Variants in SPOCK1 observed in about 807,000 individuals in gnomAD.
SPOCK1 encodes the protein SPARC (osteonectin), cwcv and kazal like domains proteoglycan 1.
A neutral mutation model predicts 55.3 loss-of-function variants in SPOCK1; 23 were observed. That is an observed-to-expected ratio of 0.42 (90% CI 0.30 to 0.59). The LOEUF (loss-of-function observed/expected upper bound fraction) is 0.59. Ranked by LOEUF, SPOCK1 falls within the 20% of genes least tolerant of loss-of-function variation. The probability of loss-of-function intolerance (pLI) is 0.22; values close to 1 mark genes in which losing one functional copy is unlikely to be tolerated. For missense variants in SPOCK1, 499 were observed against 552.5 expected, an observed-to-expected ratio of 0.90 and a Z score of 0.97; for synonymous variants, 226 against 221.0, an observed-to-expected ratio of 1.02 and a Z score of -0.20.
At chr5:137,309,857 A>G (rs1273154702) in intron 2 of SPOCK1, among the ~76,000 whole-genome samples, 1 of 151,978 alleles carries the variant, frequency 6.6e-6, no homozygotes, top group East Asian at 1.9e-4. Context: ...AGTACCCCCC[A>G]TTCAATTTAT....
chr5:137,305,459 A>C (rs1360980369), intron 2 of SPOCK1, among the ~76,000 whole-genome samples: 1 of 152,210 alleles, frequency 6.6e-6, no homozygotes, highest in African/African-American at 2.4e-5. Flanking sequence ...CCAGAGGTTA[A>C]GACTTATTCA....
intron 2 of SPOCK1, among the ~76,000 whole-genome samples, chr5:137,391,383 G>A (rs911584107): frequency 2.0e-5 from 3 of 152,064 alleles, no homozygotes; most frequent in African/African-American, 4.8e-5. Context: ...AATATTGAGG[G>A]AGGGAGTGGC....
At chr5:137,258,178 G>A (rs975022683) in intron 3 of SPOCK1, among the ~76,000 whole-genome samples, 14 of 152,178 alleles carry the variant, frequency 9.2e-5, no homozygotes, top group Admixed American at 9.2e-4. Context: ...TAATTTCTAT[G>A]TTACAGATAA....
rs1750594965 is a variant in SPOCK1 at position 136,975,435 on chromosome 5, G to C, written c.*3219C>G. The C allele has an allele frequency of 1.3e-5, 2 of 152,586 alleles. No homozygotes were observed. 9.5% of individuals were successfully genotyped at this position (152,586 alleles called of 1,614,324 possible). ...TGGAAAAGCATTCAGAATTTACTAGGTTTTTGCTACATCACTATTTCATCT... is the reference window on the plus strand; with the variant it reads ...TGGAAAAGCATTCAGAATTTACTAGCTTTTTGCTACATCACTATTTCATCT... On this transcript the variant is annotated 3_prime_UTR_variant, in exon 11 of 11. Transcript: ENST00000394945.
In SPOCK1 at chr5:137,498,570, G is replaced by C. The variant is rs990747469; in HGVS notation, c.1-12C>G. 7 of 1,458,800 alleles carry C rather than the reference G, an allele frequency of 4.8e-6. No individual in the cohort carries two copies. Among genetic ancestry groups the C allele is most frequent in the Non-Finnish European group, 6.3e-6 (7 of 1,114,198 alleles). The allele number at this position is 1,458,800 out of a possible 1,614,324, so 90.4% of individuals were successfully genotyped here. Reference sequence around the variant, plus strand: ...GCGATCGCCGGCATCTGCGGGGCAGGGCGCGCAGGGCGATGAGCGAAGAGG... The same window carrying C: ...GCGATCGCCGGCATCTGCGGGGCAGCGCGCGCAGGGCGATGAGCGAAGAGG... On this transcript the variant is annotated splice_polypyrimidine_tract_variant and intron_variant, in intron 1 of 10. Coordinates refer to ENST00000394945, the MANE Select transcript of SPOCK1 (RefSeq NM_004598.4).
intron 2 of SPOCK1, among the ~76,000 whole-genome samples, chr5:137,328,702 C>T (rs1043870763): frequency 2.6e-5 from 4 of 152,170 alleles, no homozygotes; most frequent in African/African-American, 9.7e-5. Flanking sequence ...TTCTCATTCG[C>T]ACTTTCCTGC....
chr5:137,144,830 G>A (rs902945214), intron 3 of SPOCK1, among the ~76,000 whole-genome samples: 4 of 152,314 alleles, frequency 2.6e-5, no homozygotes, highest in East Asian at 1.9e-4. Flanking sequence ...GCAGCTGAGC[G>A]TGACAGCCCT....
chr5:137,256,745 C>T (rs1756642187), intron 3 of SPOCK1, among the ~76,000 whole-genome samples: 1 of 152,122 alleles, frequency 6.6e-6, no homozygotes. Flanking sequence ...CTCTGCGAGG[C>T]ACTGCCTCCA....
chr5:137,359,857 T>C (rs1015061581), intron 2 of SPOCK1, among the ~76,000 whole-genome samples: 2 of 152,222 alleles, frequency 1.3e-5, no homozygotes, highest in African/African-American at 4.8e-5. Flanking sequence ...TGCACATCTA[T>C]GTGGGTTACC....
At chr5:137,342,964 T>G (rs145122691) in intron 2 of SPOCK1, among the ~76,000 whole-genome samples, 78 of 152,332 alleles carry the variant, frequency 5.1e-4, no homozygotes, top group East Asian at 1.9e-3. Flanking sequence ...CACACCAAAA[T>G]GTAATGACTA....
intron 2 of SPOCK1, among the ~76,000 whole-genome samples, chr5:137,460,097 G>A (rs918244477): frequency 1.3e-5 from 2 of 152,178 alleles, no homozygotes; most frequent in Admixed American, 6.5e-5. Flanking sequence ...AAGCTAAGAG[G>A]TGTGGATTCA....
chr5:137,031,407 G>T (rs1043167388), intron 6 of SPOCK1, among the ~76,000 whole-genome samples: 1 of 152,142 alleles, frequency 6.6e-6, no homozygotes, highest in Non-Finnish European at 1.5e-5. Context: ...ATGTAATTAT[G>T]CCATTTCTCT....
At chr5:137,487,055 T>C (rs1754073542) in intron 2 of SPOCK1, among the ~76,000 whole-genome samples, 1 of 152,162 alleles carries the variant, frequency 6.6e-6, no homozygotes. Context: ...AGTGGAACAA[T>C]GGAAAGACCT....
At chr5:137,149,245 C>T (rs533034229) in intron 3 of SPOCK1, among the ~76,000 whole-genome samples, 2 of 152,148 alleles carry the variant, frequency 1.3e-5, no homozygotes, top group Admixed American at 6.5e-5. Context: ...TGAAGCCCAG[C>T]GCAGCATGGG....
chr5:137,487,860 A>G (rs955857727), intron 2 of SPOCK1, among the ~76,000 whole-genome samples: 3 of 152,210 alleles, frequency 2.0e-5, no homozygotes, highest in Admixed American at 6.5e-5. Flanking sequence ...TGAGTCACAC[A>G]TTGGAAAACA....
chr5:137,330,798 T>C (rs1215362067), intron 2 of SPOCK1, among the ~76,000 whole-genome samples: 2 of 152,208 alleles, frequency 1.3e-5, no homozygotes, highest in South Asian at 2.1e-4. Context: ...ATTATAGCTT[T>C]CATCTAAGGA....
At chr5:137,178,805 C>T (rs1221887106) in intron 3 of SPOCK1, among the ~76,000 whole-genome samples, 3 of 152,210 alleles carry the variant, frequency 2.0e-5, no homozygotes, top group Admixed American at 2.0e-4. Flanking sequence ...TTATATGGCC[C>T]AGTAGAAGGC....
At chr5:136,994,413 C>G (rs1353394484) in intron 6 of SPOCK1, among the ~76,000 whole-genome samples, 1 of 152,116 alleles carries the variant, frequency 6.6e-6, no homozygotes, top group Non-Finnish European at 1.5e-5. Context: ...CCTCCAGCAC[C>G]TCGGCTTCCT....
intron 3 of SPOCK1, among the ~76,000 whole-genome samples, chr5:137,160,599 T>TA (rs1754523846): frequency 4.2e-5 from 3 of 70,962 alleles, no homozygotes; most frequent in African/African-American, 6.2e-5. Flanking sequence ...ATATAATATA[T>TA]TATATATAAT....
Sources: allele counts gnomAD v4.1 joint callset (sites outside exome capture counted in the v4.1 genomes callset), GRCh38; gene constraint gnomAD v4.1.1; transcripts MANE v1.5; gene names NCBI Gene and HGNC (gene_info 2026-07-23, HGNC 2026-07-21).